Variants in ESRRG observed in about 807,000 individuals in gnomAD.
ESRRG encodes estrogen related receptor gamma.
A neutral mutation model predicts 44.0 loss-of-function variants in ESRRG; 13 were observed. The ratio of observed to expected loss-of-function variants is 0.30; its 90% CI spans 0.19 to 0.47. ESRRG has a LOEUF of 0.47. Ranked by LOEUF, ESRRG falls within the 20% of genes least tolerant of loss-of-function variation. ESRRG has a pLI of 1.00. For synonymous variants in ESRRG, 215 were observed against 214.6 expected (o/e 1.00, Z -0.02); for missense variants, 395 against 580.6 (o/e 0.68, Z 3.29).
Position 216,677,234 on chromosome 1 carries a change from G to A in ESRRG, c.314C>T (p.Ser105Phe). ...GPVRKLYDDC[S>F]STIVEDPQTK... ...CTGGGGATCTTCAACAATGGTGCTG[G>A]AGCAGTCATCATACAGTTTCCTGAC... is the stretch of plus-strand genomic sequence containing the variant. The change falls in exon 2 of 7, where the codon TCC becomes TTC. Residue 105 changes from serine to phenylalanine, a missense_variant. Ser to Phe is a radical substitution (Grantham distance 155). Coordinates refer to ENST00000408911, the MANE Select transcript of ESRRG (RefSeq NM_001438.4). 2 of 1,614,150 alleles carry A rather than the reference G, an allele frequency of 1.2e-6. No homozygotes were observed. The highest frequency in any genetic ancestry group is 1.7e-6 in the Non-Finnish European group (2 of 1,180,026).
chr1:217,041,130 G>C (rs1318353274), intron 1 of ESRRG, among the ~76,000 whole-genome samples: 1 of 151,964 alleles, frequency 6.6e-6, no homozygotes, highest in Non-Finnish European at 1.5e-5. Flanking sequence ...TTTAAACTAA[G>C]CATGAAAAAA....
At chr1:216,573,010 A>C (rs966288413) in intron 3 of ESRRG, among the ~76,000 whole-genome samples, 1 of 151,996 alleles carries the variant, frequency 6.6e-6, no homozygotes, top group African/African-American at 2.4e-5. Flanking sequence ...TTACCAAATA[A>C]GATTATTTTT....
intron 2 of ESRRG, among the ~76,000 whole-genome samples, chr1:216,806,278 G>A (rs2094789156): frequency 2.0e-5 from 3 of 152,186 alleles, no homozygotes; most frequent in South Asian, 4.1e-4. Flanking sequence ...CAAATTGATT[G>A]TTCCCCTATC....
chr1:216,579,281 G>C (rs1051636389), intron 3 of ESRRG, among the ~76,000 whole-genome samples: 5 of 152,032 alleles, frequency 3.3e-5, no homozygotes, highest in South Asian at 2.1e-4. Flanking sequence ...TGAGCAACTA[G>C]GTCTTAATAT....
intron 2 of ESRRG, among the ~76,000 whole-genome samples, chr1:216,900,981 C>T (rs2058999368): frequency 2.0e-5 from 3 of 152,162 alleles, no homozygotes; most frequent in Admixed American, 1.3e-4. Context: ...CACTTGCTAG[C>T]TCCCAGCTGT....
At chr1:217,058,538 T>C (rs2087646018) in intron 1 of ESRRG, among the ~76,000 whole-genome samples, 1 of 152,160 alleles carries the variant, frequency 6.6e-6, no homozygotes, top group South Asian at 2.1e-4. Context: ...GCAGAGTATC[T>C]GACGTCTCTA....
intron 2 of ESRRG, among the ~76,000 whole-genome samples, chr1:216,657,481 G>A (rs901974042): frequency 5.3e-5 from 8 of 152,066 alleles, no homozygotes; most frequent in Non-Finnish European, 1.0e-4. Flanking sequence ...TCACCCAAAC[G>A]TATTGCCCTT....
Position 216,966,072 on chromosome 1 carries a change from C to T in ESRRG, c.-105-26399G>A, listed in dbSNP as rs149995200. 2.6e-5 allele frequency among the ~76,000 whole-genome samples: 4 copies of T among 152,228 alleles called. No homozygotes were observed. In the East Asian group the frequency reaches 7.7e-4, roughly 29 times the overall value. ...TTAAGTAAAAAGGATCATGAAGGTA[C>T]ATTTGTCAAGGTAGAACAATAGAAC... is the stretch of plus-strand genomic sequence containing the variant. On this transcript the variant is annotated intron_variant, in intron 1 of 7. Transcript: ENST00000359162.
chr1:216,997,911 A>G (rs2076567414), intron 1 of ESRRG, among the ~76,000 whole-genome samples: 2 of 152,214 alleles, frequency 1.3e-5, no homozygotes, highest in South Asian at 4.1e-4. Flanking sequence ...TGCATGGCTA[A>G]ATCGCTTTCA....
intron 1 of ESRRG, among the ~76,000 whole-genome samples, chr1:216,694,292 G>T (rs1461025155): frequency 6.6e-6 from 1 of 152,176 alleles, no homozygotes; most frequent in Non-Finnish European, 1.5e-5. Context: ...GAAGGAGGAT[G>T]ATCCCCAAAG....
At chr1:216,639,902 C>T (rs1817998) in intron 3 of ESRRG, among the ~76,000 whole-genome samples, 123,846 of 152,180 alleles carry the variant, frequency 0.81, 50,650 homozygotes, top group African/African-American at 0.85. Flanking sequence ...TTTAAAATAG[C>T]AGAAGTCCTG....
At chr1:216,593,148 A>G (rs1327503867) in intron 3 of ESRRG, among the ~76,000 whole-genome samples, 6 of 152,224 alleles carry the variant, frequency 3.9e-5, no homozygotes, top group Admixed American at 3.9e-4. Context: ...AGGTTGCTCA[A>G]TGTGAATGAA....
intron 5 of ESRRG, among the ~76,000 whole-genome samples, chr1:216,541,703 C>T (rs947798573): frequency 6.6e-6 from 1 of 151,444 alleles, no homozygotes; most frequent in African/African-American, 2.4e-5. Flanking sequence ...TTAAACAAAG[C>T]CAGGATATAG....
intron 2 of ESRRG, among the ~76,000 whole-genome samples, chr1:216,822,245 A>G (rs981269308): frequency 6.6e-6 from 1 of 152,168 alleles, no homozygotes; most frequent in African/African-American, 2.4e-5. Context: ...TCTAAAAGTC[A>G]CTGTTGCAAA....
intron 2 of ESRRG, among the ~76,000 whole-genome samples, chr1:216,758,874 C>T (rs769809482): frequency 1.1e-4 from 16 of 151,856 alleles, no homozygotes; most frequent in Non-Finnish European, 2.1e-4. Context: ...TTAGCATAGA[C>T]ATGGTCTTGA....
chr1:217,095,115 A>G (rs531887518), intron 1 of ESRRG, among the ~76,000 whole-genome samples: 1 of 152,320 alleles, frequency 6.6e-6, no homozygotes, highest in South Asian at 2.1e-4. Flanking sequence ...ATGACTCCAG[A>G]AAGGTTAAGA....
chr1:216,707,277 T>G, intron 1 of ESRRG: 4 of 1,461,544 alleles, frequency 2.7e-6, no homozygotes, highest in Non-Finnish European at 3.7e-6. Context: ...AATCAAACCA[T>G]ATACAAGTAA....
intron 1 of ESRRG, among the ~76,000 whole-genome samples, chr1:216,688,626 C>A (rs2078474195): frequency 6.6e-6 from 1 of 151,952 alleles, no homozygotes. Flanking sequence ...GGCTCTCTTC[C>A]ATTAAAATGT....
chr1:217,069,249 C>T (rs2090221199), intron 1 of ESRRG, among the ~76,000 whole-genome samples: 1 of 152,060 alleles, frequency 6.6e-6, no homozygotes, highest in Non-Finnish European at 1.5e-5. Context: ...TCCTTCCTGC[C>T]CTCGAACATC....
Sources: allele counts gnomAD v4.1 joint callset (sites outside exome capture counted in the v4.1 genomes callset), GRCh38; gene constraint gnomAD v4.1.1; transcripts MANE v1.5; gene names NCBI Gene and HGNC (gene_info 2026-07-23, HGNC 2026-07-21).